GTPBP1: variants seen among roughly 807,000 people sequenced by gnomAD.
The protein encoded by GTPBP1 is GTP binding protein 1.
Under a neutral mutation model 62.0 loss-of-function variants are expected in GTPBP1, and 23 were observed. The observed-to-expected ratio is 0.37, with a 90% CI of 0.27 to 0.53. The LOEUF is 0.53. Ranked by LOEUF, GTPBP1 falls within the 20% of genes least tolerant of loss-of-function variation. The pLI is 0.89. For synonymous variants in GTPBP1, 344 were observed against 364.4 expected (o/e 0.94, Z 0.64); for missense variants, 640 against 917.3 (o/e 0.70, Z 3.90).
At chr22:38,736,075 T>C, downstream of GTPBP1, 1 of 657,152 alleles carries the variant, frequency 1.5e-6, no homozygotes, top group Non-Finnish European at 2.8e-6. Context: ...AGAAGGGAGC[T>C]GCTGGAGCCT....
At chr22:38,733,772 A>G (rs907181700), downstream of GTPBP1, among the ~76,000 whole-genome samples, 1 of 152,214 alleles carries the variant, frequency 6.6e-6, no homozygotes, top group African/African-American at 2.4e-5. Flanking sequence ...CAGGGGCAGC[A>G]CAGGTTTAGT....
downstream of GTPBP1, chr22:38,738,060 G>C (rs773920203): frequency 4.3e-6 from 4 of 937,190 alleles, no homozygotes; most frequent in Non-Finnish European, 7.0e-6. The surrounding 1 kb of genome is among the most constrained non-coding windows in gnomAD (Gnocchi z 6.6). Flanking sequence ...TGGGAAAGGA[G>C]AGCAGGGCTT....
downstream of GTPBP1, chr22:38,738,354 G>A (rs886303062): frequency 1.6e-6 from 2 of 1,255,428 alleles, no homozygotes; most frequent in Non-Finnish European, 2.3e-6. This position sits in a 1 kb window ranked among gnomAD's most constrained non-coding sequence, Gnocchi z 6.6. Context: ...CACCCAGCAG[G>A]TCAGGCACCA....
At chr22:38,706,259 G>T in intron 1 of GTPBP1, 112 bp downstream of exon 1, 1 of 679,380 alleles carries the variant, frequency 1.5e-6, no homozygotes, top group Non-Finnish European at 2.0e-6. Context: ...CGCGGAACGG[G>T]AAGAAGGGGC....
chr22:38,706,261 A>G (rs1199818335), intron 1 of GTPBP1, 114 bp downstream of exon 1: 1 of 660,944 alleles, frequency 1.5e-6, no homozygotes, highest in Admixed American at 4.5e-5. Context: ...CGGAACGGGA[A>G]GAAGGGGCCG....
Position 38,708,932 on chromosome 22 carries a change from A to G in GTPBP1, c.280A>G (p.Ile94Val). The change falls in exon 2 of 12, where the codon ATA becomes GTA. Residue 94 changes from isoleucine to valine, a missense_variant. Physicochemically the swap from Ile to Val is conservative, Grantham distance 29. Transcript: ENST00000216044. ...GATGGACGAGGGATGCGGAGAGACC[A>G]TATATGTCATTGGGCAGGGATCAGG... The part of the protein sequence containing the change: ...ERMDEGCGET[I>V]YVIGQGSDGT... 6.3e-7 allele frequency: 1 copy of G among 1,594,960 alleles called. No individual in the cohort carries two copies. Among genetic ancestry groups the G allele is most frequent in the Non-Finnish European group, 8.6e-7 (1 of 1,162,386 alleles).
chr22:38,709,050 A>G, intron 2 of GTPBP1, 94 bp downstream of exon 2: 1 of 714,358 alleles, frequency 1.4e-6, no homozygotes, highest in Non-Finnish European at 2.5e-6. Flanking sequence ...TGGGAGGCCA[A>G]GACGGGTGGA....
At position 38,730,837 on chromosome 22, in the gene GTPBP1, C is replaced by A; in HGVS notation, c.*133C>A. On this transcript the variant is annotated 3_prime_UTR_variant, in exon 12 of 12. Transcript: ENST00000216044. The surrounding 1 kb of genome is among the most constrained non-coding windows in gnomAD (Gnocchi z 5.6). The stretch of plus-strand genomic sequence containing the variant: ...CACAGCCGGAGCCTCCGCATTGCCC[C>A]CACCCCCATTTTCCAGGGGGGTTGT... 1.8e-6 allele frequency: 1 copy of A among 569,164 alleles called. No individual in the cohort carries two copies. The highest frequency in any genetic ancestry group is 3.1e-6 in the Non-Finnish European group (1 of 325,970). 35.3% of individuals were successfully genotyped at this position (569,164 alleles called of 1,614,324 possible). A position where few individuals can be genotyped will look rare whatever the true frequency, so the allele number is the denominator to read the frequency against.
At position 38,727,119 on chromosome 22, in the gene GTPBP1, C is replaced by G; in HGVS notation, c.1402-94C>G. On this transcript the variant is annotated intron_variant, in intron 8 of 11. Transcript: ENST00000216044. This position sits in a 1 kb window ranked among gnomAD's most constrained non-coding sequence, Gnocchi z 6.5. ...GGAAACCAGGCAGAGTTGGGGTGGT[C>G]CCTATCCCTAGAAAGACTCTTGGTC... is the stretch of plus-strand genomic sequence containing the variant. 1.6e-6 allele frequency: 2 copies of G among 1,267,354 alleles called. No individual in the cohort carries two copies. The highest frequency in any genetic ancestry group is 3.2e-5 in the South Asian group (2 of 61,874). 78.5% of individuals were successfully genotyped at this position (1,267,354 alleles called of 1,614,324 possible). A position where few individuals can be genotyped will look rare whatever the true frequency, so the allele number is the denominator to read the frequency against.
downstream of GTPBP1, among the ~76,000 whole-genome samples, chr22:38,741,254 C>G (rs2092854987): frequency 6.6e-6 from 1 of 152,174 alleles, no homozygotes; most frequent in Non-Finnish European, 1.5e-5. Context: ...TATCTGTTCA[C>G]CCACACTCAG....
At chr22:38,706,198 A>T (rs112983956) in intron 1 of GTPBP1, 51 bp downstream of exon 1, 37,119 of 1,154,318 alleles carry the variant, frequency 0.032, 685 homozygotes, top group Non-Finnish European at 0.036. Context: ...CGGCTGGCCG[A>T]GCAGTCTCCC....
At chr22:38,735,057 G>A (rs1427524821), downstream of GTPBP1, 1 of 332,464 alleles carries the variant, frequency 3.0e-6, no homozygotes, top group African/African-American at 2.2e-5. Context: ...CCACAGAACG[G>A]GGCTAGGAAT....
At chr22:38,739,041 C>T (rs1295007431), downstream of GTPBP1, 2 of 1,536,034 alleles carry the variant, frequency 1.3e-6, no homozygotes, top group Non-Finnish European at 8.9e-7. This position sits in a 1 kb window ranked among gnomAD's most constrained non-coding sequence, Gnocchi z 6.7. Flanking sequence ...GAGGGCCCCG[C>T]TCAGGCCATT....
At chr22:38,738,762 A>T (rs1451438791), downstream of GTPBP1, 1 of 1,612,588 alleles carries the variant, frequency 6.2e-7, no homozygotes, top group East Asian at 2.2e-5. The surrounding 1 kb of genome is among the most constrained non-coding windows in gnomAD (Gnocchi z 6.6). Flanking sequence ...TGGCTGGAGG[A>T]GCAGAAAGTC....
At chr22:38,710,723 A>G (rs1476104172) in intron 2 of GTPBP1, among the ~76,000 whole-genome samples, 1 of 152,220 alleles carries the variant, frequency 6.6e-6, no homozygotes. Flanking sequence ...GAACCACTCA[A>G]AGATCACTTA....
chr22:38,716,152 G>A lies in GTPBP1; in HGVS notation c.485+65G>A, dbSNP rs2092669178. On this transcript the variant is annotated intron_variant, in intron 3 of 11. Coordinates refer to ENST00000216044, the MANE Select transcript of GTPBP1 (RefSeq NM_004286.5). The surrounding 1 kb of genome is among the most constrained non-coding windows in gnomAD (Gnocchi z 5.2). ...ACAGAGGTTGGTGACTGAGCCTGTG[G>A]CACTTGGCGTGTCAGCTCCATCCTT... is the stretch of plus-strand genomic sequence containing the variant. The A allele has an allele frequency of 1.3e-5, 17 of 1,328,920 alleles. No homozygotes were observed. Among genetic ancestry groups the A allele is most frequent in the Non-Finnish European group, 1.8e-5 (17 of 947,206 alleles). 82.3% of individuals were successfully genotyped at this position (1,328,920 alleles called of 1,614,324 possible). A position where few individuals can be genotyped will look rare whatever the true frequency, so the allele number is the denominator to read the frequency against.
Position 38,724,337 on chromosome 22 carries a change from C to G in GTPBP1, c.999C>G (p.Gly333=). 3.7e-6 allele frequency: 6 copies of G among 1,613,646 alleles called. No homozygotes were observed. Among genetic ancestry groups the G allele is most frequent in the Non-Finnish European group, 5.1e-6 (6 of 1,179,568 alleles). The change falls in exon 6 of 12, where the codon GGC becomes GGG. Residue 333 remains glycine, a synonymous_variant. Coordinates refer to ENST00000216044, the MANE Select transcript of GTPBP1 (RefSeq NM_004286.5). The part of the protein sequence containing the change: ...KLLQRLLKSP[G]CRKIPVLVQS... ...TACAGCGCCTGCTGAAGTCACCAGG[C>G]TGCCGGAAGATCCCCGTGCTGGTGC...
chr22:38,737,979 A>G (rs2092821120), downstream of GTPBP1: 1 of 709,602 alleles, frequency 1.4e-6, no homozygotes, highest in Non-Finnish European at 2.6e-6. The surrounding 1 kb of genome is among the most constrained non-coding windows in gnomAD (Gnocchi z 4.1). Context: ...CCCTTCTGGA[A>G]GGTGCCTTCC....
Position 38,731,039 on chromosome 22 carries a change from T to TGTGTGTGTGTGG in GTPBP1, c.*336_*347dup, listed in dbSNP as rs2092756639. 4 of 245,342 alleles carry TGTGTGTGTGTGG rather than the reference T, an allele frequency of 1.6e-5. No homozygotes were observed. Among genetic ancestry groups the TGTGTGTGTGTGG allele is most frequent in the African/African-American group, 9.4e-5 (4 of 42,754 alleles). The allele number at this position is 245,342 out of a possible 1,614,324, so 15.2% of individuals were successfully genotyped here. A position where few individuals can be genotyped will look rare whatever the true frequency, so the allele number is the denominator to read the frequency against. On this transcript the variant is annotated 3_prime_UTR_variant, in exon 12 of 12. Transcript: ENST00000216044. ...GTGTGTGTGTGTGTGTGTGTGTGTG[T>TGTGTGTGTGTGG]GTGTGTGTGTGGTGCAGGAGTGCCA...
Sources: gnomAD v4.1 joint callset for allele counts (sites outside exome capture counted in the v4.1 genomes callset) on GRCh38, gnomAD v4.1.1 for gene constraint, Gnocchi (gnomAD v3.1) non-coding constraint, MANE v1.5 for transcripts, NCBI Gene and HGNC (gene_info 2026-07-23, HGNC 2026-07-21) for gene names.